EYS: variants seen among roughly 807,000 people sequenced by gnomAD.
EYS encodes EGF-like photoreceptor maintenance factor, also known as protein eyes shut homolog.
Under a neutral mutation model 282.1 loss-of-function variants are expected in EYS, and 250 were observed. The ratio of observed to expected loss-of-function variants is 0.89; its 90% CI spans 0.80 to 0.98. EYS has a LOEUF of 0.98. Among genes scored for constraint, EYS ranks in the 50% least tolerant of loss-of-function variants. EYS has a pLI of 0.00. For missense variants in EYS, 4,016 were observed against 3,709.0 expected, an observed-to-expected ratio of 1.08 and a Z score of -2.15; for synonymous variants, 1,355 against 1,282.9, an observed-to-expected ratio of 1.06 and a Z score of -1.20.
chr6:65,462,982 A>T (rs1764872594), intron 5 of EYS, among the ~76,000 whole-genome samples: 1 of 152,042 alleles, frequency 6.6e-6, no homozygotes, highest in African/African-American at 2.4e-5. Flanking sequence ...CTTTTCTCAC[A>T]TGGATAACTG....
intron 1 of EYS, among the ~76,000 whole-genome samples, chr6:65,691,539 T>C (rs540982639): frequency 2.1e-4 from 32 of 150,210 alleles, no homozygotes; most frequent in Middle Eastern, 3.4e-3. Flanking sequence ...GGCTGCCTGT[T>C]CACTCTGATG....
chr6:64,463,256 G>T (rs944387240), intron 26 of EYS, among the ~76,000 whole-genome samples: 1 of 152,018 alleles, frequency 6.6e-6, no homozygotes, highest in African/African-American at 2.4e-5. Context: ...TGGCCTCTCA[G>T]CTTTAAAGGT....
Position 65,228,353 on chromosome 6 carries a change from G to A in EYS, c.2023+67510C>T, listed in dbSNP as rs145323669. On this transcript the variant is annotated intron_variant, in intron 12 of 42. Transcript: ENST00000503581. ...TGAAACTATTACATGTGTTCCACAT[G>A]GTTATAATATTTCAGTAACATTAAA... is the stretch of plus-strand genomic sequence containing the variant. Among the ~76,000 whole-genome samples, 246 of 152,050 alleles carry A rather than the reference G, an allele frequency of 1.6e-3. 2 individuals carry two copies. Among genetic ancestry groups the A allele is most frequent in the African/African-American group, 5.4e-3 (226 of 41,520 alleles).
chr6:64,670,467 A>G (rs544220300), intron 22 of EYS, among the ~76,000 whole-genome samples: 1 of 152,120 alleles, frequency 6.6e-6, no homozygotes, highest in East Asian at 1.9e-4. Flanking sequence ...CGTTAATAGC[A>G]CTAGAAAAAC....
chr6:65,473,724 A>C (rs1424745464), intron 5 of EYS, among the ~76,000 whole-genome samples: 1 of 152,004 alleles, frequency 6.6e-6, no homozygotes, highest in African/African-American at 2.4e-5. Context: ...GTTTTGGACA[A>C]GATTAATAAA....
intron 5 of EYS, among the ~76,000 whole-genome samples, chr6:65,423,216 T>C (rs1047641431): frequency 5.9e-5 from 9 of 151,924 alleles, no homozygotes; most frequent in Admixed American, 2.6e-4. Flanking sequence ...GGAGTAAATA[T>C]CTGAGAACGC....
intron 13 of EYS, among the ~76,000 whole-genome samples, chr6:65,013,210 T>A (rs562142057): frequency 5.0e-4 from 76 of 152,336 alleles, no homozygotes; most frequent in African/African-American, 1.8e-3. Flanking sequence ...TGTTGCTTTG[T>A]AAATAATTTT....
intron 12 of EYS, among the ~76,000 whole-genome samples, chr6:65,140,564 A>G (rs1268254080): frequency 6.6e-6 from 1 of 151,332 alleles, no homozygotes; most frequent in African/African-American, 2.4e-5. Flanking sequence ...AACCTACAAA[A>G]TGGGAGAAAA....
At chr6:65,321,831 T>C (rs1195191373) in intron 11 of EYS, among the ~76,000 whole-genome samples, 1 of 152,142 alleles carries the variant, frequency 6.6e-6, no homozygotes, top group Non-Finnish European at 1.5e-5. Flanking sequence ...TGATGTCTGG[T>C]GAAATGCACA....
intron 26 of EYS, among the ~76,000 whole-genome samples, chr6:64,556,698 C>A (rs992107952): frequency 2.0e-5 from 3 of 151,742 alleles, no homozygotes; most frequent in Admixed American, 6.6e-5. Context: ...GAAACAAGAA[C>A]AAGGCACTGA....
At chr6:63,790,495 A>C (rs1380145561) in intron 37 of EYS, among the ~76,000 whole-genome samples, 3 of 152,248 alleles carry the variant, frequency 2.0e-5, no homozygotes, top group African/African-American at 7.2e-5. Context: ...AACTGTATTA[A>C]GTGACCTACC....
chr6:64,303,790 G>A (rs893787362), intron 30 of EYS, among the ~76,000 whole-genome samples: 11 of 141,060 alleles, frequency 7.8e-5, no homozygotes, highest in African/African-American at 1.3e-4. Context: ...GCAGTGAGTC[G>A]AGATCGCGCC....
chr6:65,140,240 T>G (rs907696629), intron 12 of EYS, among the ~76,000 whole-genome samples: 5 of 152,022 alleles, frequency 3.3e-5, no homozygotes. Flanking sequence ...TAAAATGTAT[T>G]TTTCTATTTT....
chr6:65,521,947 T>A lies in EYS; in HGVS notation c.-332-25954A>T, dbSNP rs193245939. 1.6e-3 allele frequency among the ~76,000 whole-genome samples: 237 copies of A among 152,282 alleles called. 2 individuals carry two copies. Among genetic ancestry groups the A allele is most frequent in the African/African-American group, 5.1e-3 (213 of 41,582 alleles). On this transcript the variant is annotated intron_variant, in intron 2 of 42. Transcript: ENST00000503581. ...TGTAAGTGAATAAATGATAATTTAATTCATTTTTGCTCATAAATAATTTTA... is the reference window on the plus strand; with the variant it reads ...TGTAAGTGAATAAATGATAATTTAAATCATTTTTGCTCATAAATAATTTTA...
intron 14 of EYS, among the ~76,000 whole-genome samples, chr6:64,959,594 T>C (rs1269998077): frequency 6.6e-6 from 1 of 152,204 alleles, no homozygotes; most frequent in Admixed American, 6.5e-5. Context: ...ATGTAGGCTA[T>C]TGAACATCTT....
chr6:65,053,356 C>A (rs1583438159), intron 13 of EYS, among the ~76,000 whole-genome samples: 1 of 151,694 alleles, frequency 6.6e-6, no homozygotes, highest in African/African-American at 2.4e-5. Context: ...CATTTTCAAA[C>A]AAATTCATAA....
intron 22 of EYS, among the ~76,000 whole-genome samples, chr6:64,751,238 C>T (rs938338438): frequency 3.9e-5 from 6 of 152,180 alleles, no homozygotes; most frequent in East Asian, 1.9e-4. Context: ...GGTTTTGGAG[C>T]TTAAGCTGCC....
intron 12 of EYS, among the ~76,000 whole-genome samples, chr6:65,212,608 A>G (rs570952639): frequency 1.3e-5 from 2 of 152,290 alleles, no homozygotes; most frequent in Non-Finnish European, 2.9e-5. Flanking sequence ...TAATAGCCAG[A>G]GTTGCCAGTG....
intron 30 of EYS, among the ~76,000 whole-genome samples, chr6:64,232,891 T>C (rs1390904403): frequency 6.6e-6 from 1 of 152,256 alleles, no homozygotes; most frequent in African/African-American, 2.4e-5. Flanking sequence ...CCTTGCGATA[T>C]AAGTTTGTCT....
Sources: allele counts gnomAD v4.1 joint callset (sites outside exome capture counted in the v4.1 genomes callset), GRCh38; gene constraint gnomAD v4.1.1; transcripts MANE v1.5; gene names NCBI Gene and HGNC (gene_info 2026-07-23, HGNC 2026-07-21).